Variants in PCDHGA1 observed in about 807,000 individuals in gnomAD.
PCDHGA1 encodes protocadherin gamma-A1.
PCDHGA1 carries 32 observed loss-of-function variants against 58.0 expected under a neutral mutation model. The observed-to-expected ratio is 0.55, with a 90% CI of 0.42 to 0.74. PCDHGA1 has a LOEUF of 0.74. Among genes scored for constraint, PCDHGA1 ranks in the 30% least tolerant of loss-of-function variants. PCDHGA1 has a pLI of 0.00. For missense variants in PCDHGA1, 1,205 were observed against 1,182.3 expected (o/e 1.02, Z -0.28); for synonymous variants, 498 against 501.1 (o/e 0.99, Z 0.08).
At chr5:141,409,883 C>G (rs530193346) in intron 1 of PCDHGA1, 2 of 1,612,988 alleles carry the variant, frequency 1.2e-6, no homozygotes, top group South Asian at 2.2e-5. Context: ...CAACGCACCG[C>G]GGGTGCTGTA....
chr5:141,436,414 A>G (rs1459862288), intron 1 of PCDHGA1, among the ~76,000 whole-genome samples: 1 of 152,234 alleles, frequency 6.6e-6, no homozygotes, highest in East Asian at 1.9e-4. Flanking sequence ...ATGAATGGAT[A>G]AACAAATAAT....
chr5:141,468,598 G>A (rs1250884127), intron 1 of PCDHGA1: 1 of 152,228 alleles, frequency 6.6e-6, no homozygotes, highest in African/African-American at 2.4e-5. Context: ...TGGGCGCGGT[G>A]GCTCACGCCT....
intron 1 of PCDHGA1, among the ~76,000 whole-genome samples, chr5:141,381,472 A>G (rs1777217104): frequency 6.6e-6 from 1 of 152,246 alleles, no homozygotes; most frequent in Non-Finnish European, 1.5e-5. Context: ...AATGCTGTCT[A>G]GAGATCCCTG....
rs777288812 is a variant in PCDHGA1 at position 141,487,236 on chromosome 5, G to A, written c.2422-7571G>A. The A allele has an allele frequency of 1.7e-5, 28 of 1,613,962 alleles. No homozygotes were observed. The highest frequency in any genetic ancestry group is 1.4e-4 in the South Asian group (13 of 91,070). On this transcript the variant is annotated intron_variant, in intron 1 of 3. Coordinates refer to ENST00000517417, the MANE Select transcript of PCDHGA1 (RefSeq NM_018912.3). This position sits in a 1 kb window ranked among gnomAD's most constrained non-coding sequence, Gnocchi z 5.0. ...TCAGCTCCAAGGGAAGGAGAATCTC[G>A]TCTAACCCTCTACTTGGCTGTGTCC... is the stretch of plus-strand genomic sequence containing the variant.
chr5:141,382,921 G>C (rs774998092), intron 1 of PCDHGA1: 4 of 1,560,206 alleles, frequency 2.6e-6, no homozygotes, highest in East Asian at 2.3e-5. Context: ...GCCGAGGGGC[G>C]GGGACTACAG....
In PCDHGA1 at chr5:141,485,109, C is replaced by A; in HGVS notation, c.2422-9698C>A. ...AGATAGGTGTCTCCAGCTGCTGTGG[C>A]TGTTTGGGGCGGGTCGGCTTCATCC... On this transcript the variant is annotated intron_variant, in intron 1 of 3. Transcript: ENST00000517417. This position sits in a 1 kb window ranked among gnomAD's most constrained non-coding sequence, Gnocchi z 5.7. The A allele has an allele frequency of 1.6e-6, 2 of 1,230,962 alleles. No individual in the cohort carries two copies. The highest frequency in any genetic ancestry group is 2.4e-6 in the Non-Finnish European group (2 of 850,024). The allele number at this position is 1,230,962 out of a possible 1,614,324, so 76.3% of individuals were successfully genotyped here.
intron 1 of PCDHGA1, among the ~76,000 whole-genome samples, chr5:141,435,445 C>T (rs190910353): frequency 3.9e-5 from 6 of 152,224 alleles, no homozygotes; most frequent in Middle Eastern, 3.4e-3. Flanking sequence ...TTCATTAATA[C>T]GATATCTGTA....
intron 1 of PCDHGA1, chr5:141,360,055 GAA>G: frequency 6.9e-7 from 1 of 1,446,612 alleles, no homozygotes; most frequent in Non-Finnish European, 9.1e-7. Flanking sequence ...ACAAAAGCAG[GAA>G]AAGTGACCTT....
At chr5:141,360,029 G>A in intron 1 of PCDHGA1, 1 of 1,375,698 alleles carries the variant, frequency 7.3e-7, no homozygotes, top group Non-Finnish European at 9.6e-7. Context: ...GGCCAGTATA[G>A]ATTCGGAAAC....
chr5:141,376,476 T>C (rs1772728633), intron 1 of PCDHGA1: 19 of 1,614,192 alleles, frequency 1.2e-5, no homozygotes, highest in Middle Eastern at 1.6e-4. Context: ...CAGGATTTAC[T>C]TGAAACGAAA....
chr5:141,486,909 C>T lies in PCDHGA1; in HGVS notation c.2422-7898C>T, dbSNP rs759702188. ...CGGCCTGGTTCCTTATGTCCCCAAGCACTGCCTCCATCAGTTGGTGCTGGC... is the reference window on the plus strand; with the variant it reads ...CGGCCTGGTTCCTTATGTCCCCAAGTACTGCCTCCATCAGTTGGTGCTGGC... On this transcript the variant is annotated intron_variant, in intron 1 of 3. Transcript: ENST00000517417. This position sits in a 1 kb window ranked among gnomAD's most constrained non-coding sequence, Gnocchi z 5.0. 2 of 1,614,262 alleles carry T rather than the reference C, an allele frequency of 1.2e-6. No homozygotes were observed. Among genetic ancestry groups the T allele is most frequent in the Non-Finnish European group, 1.7e-6 (2 of 1,180,054 alleles).
intron 1 of PCDHGA1, chr5:141,350,011 G>T (rs1758389447): frequency 5.6e-6 from 2 of 357,822 alleles, no homozygotes; most frequent in Non-Finnish European, 5.0e-6. Context: ...GCTGGGCCCT[G>T]TGCAGTTTTC....
chr5:141,506,177 G>A (rs1024892091), intron 3 of PCDHGA1, among the ~76,000 whole-genome samples: 16 of 152,142 alleles, frequency 1.1e-4, no homozygotes, highest in Admixed American at 4.6e-4. Flanking sequence ...TAAGCTGGGC[G>A]TGGTGGCTCA....
intron 1 of PCDHGA1, chr5:141,392,398 C>T (rs926356717): frequency 1.3e-5 from 2 of 155,550 alleles, no homozygotes; most frequent in African/African-American, 4.8e-5. Context: ...CATTTAATAA[C>T]ACTAAATAAA....
intron 1 of PCDHGA1, among the ~76,000 whole-genome samples, chr5:141,450,315 G>A (rs1319432573): frequency 1.3e-5 from 2 of 151,918 alleles, no homozygotes; most frequent in African/African-American, 4.8e-5. Context: ...GTGTGGCCTA[G>A]TTGCCATGTC....
chr5:141,426,970 A>G (rs772659046), intron 1 of PCDHGA1: 1 of 456,742 alleles, frequency 2.2e-6, no homozygotes. Context: ...ATTCAAATTG[A>G]GGTCACTGAT....
chr5:141,366,653 T>C (rs1764716259), intron 1 of PCDHGA1: 3 of 1,614,122 alleles, frequency 1.9e-6, no homozygotes, highest in Non-Finnish European at 1.7e-6. Context: ...CCAGCCCAAC[T>C]ACGCAGACAC....
At position 141,417,952 on chromosome 5, in the gene PCDHGA1, G is replaced by C. The variant is rs766243694; in HGVS notation, c.2422-76855G>C. 10 of 1,613,510 alleles carry C rather than the reference G, an allele frequency of 6.2e-6. No individual in the cohort carries two copies. In the African/African-American group the frequency reaches 1.3e-4, roughly 22 times the overall value. On this transcript the variant is annotated intron_variant, in intron 1 of 3. Coordinates refer to ENST00000517417, the MANE Select transcript of PCDHGA1 (RefSeq NM_018912.3). ...CTTTGTTCTACCCCACGCTGTGTGA[G>C]CCGATCCGCTACTCGATTCCGGAGG...
At chr5:141,402,391 T>C (rs1344810342) in intron 1 of PCDHGA1, among the ~76,000 whole-genome samples, 3 of 151,962 alleles carry the variant, frequency 2.0e-5, no homozygotes, top group African/African-American at 7.2e-5. Context: ...AAAAATTACT[T>C]CAGAAAATTG....
Sources: gnomAD v4.1 joint callset for allele counts (sites outside exome capture counted in the v4.1 genomes callset) on GRCh38, gnomAD v4.1.1 for gene constraint, Gnocchi (gnomAD v3.1) non-coding constraint, MANE v1.5 for transcripts, NCBI Gene and HGNC (gene_info 2026-07-23, HGNC 2026-07-21) for gene names.